Variants in ZNF837 observed in about 807,000 individuals in gnomAD.
ZNF837 encodes the protein zinc finger protein 837.
For synonymous variants in ZNF837, 475 were observed against 365.2 expected (o/e 1.30, Z -3.43); for missense variants, 955 against 801.7 (o/e 1.19, Z -2.31).
rs889857130 is a variant in ZNF837 at position 58,367,638 on chromosome 19, TTAATCAAA to T, written c.*91_*98del. On this transcript the variant is annotated 3_prime_UTR_variant, in exon 3 of 3. Coordinates refer to ENST00000597582, the MANE Select transcript of ZNF837 (RefSeq NM_138466.2). ...GGACGCCATGTGTACAAAGTGAAGT[TTAATCAAA>T]GTTACAAACGTTGGTGGGTTTTCCG... is the stretch of plus-strand genomic sequence containing the variant. 1.0e-4 allele frequency: 142 copies of T among 1,397,600 alleles called. No individual in the cohort carries two copies. The African/African-American group carries it at 2.0e-3, about 20-fold the overall frequency. The allele number at this position is 1,397,600 out of a possible 1,614,324, so 86.6% of individuals were successfully genotyped here.
chr19:58,371,700 G>A (rs1439497833), intron 1 of ZNF837, among the ~76,000 whole-genome samples: 1 of 144,514 alleles, frequency 6.9e-6, no homozygotes, highest in Non-Finnish European at 1.5e-5. Flanking sequence ...GTGCAAGGCA[G>A]ATATCCTCTT....
At chr19:58,375,798 C>T (rs559608348) in intron 1 of ZNF837, among the ~76,000 whole-genome samples, 6 of 150,582 alleles carry the variant, frequency 4.0e-5, no homozygotes, top group Non-Finnish European at 7.4e-5. Context: ...TGCCACAGTG[C>T]TCCTTCCTGC....
intron 1 of ZNF837, among the ~76,000 whole-genome samples, chr19:58,378,757 C>G (rs981850225): frequency 1.3e-5 from 2 of 152,204 alleles, no homozygotes; most frequent in Non-Finnish European, 2.9e-5. Context: ...CCCTGAATAA[C>G]CTGGGTGTGC....
At chr19:58,379,288 C>T (rs1338498624) in intron 1 of ZNF837, among the ~76,000 whole-genome samples, 4 of 152,174 alleles carry the variant, frequency 2.6e-5, no homozygotes, top group East Asian at 1.9e-4. Flanking sequence ...ACAGCATCTT[C>T]GGATTGGTCC....
rs1319654193 is a variant in ZNF837, at chr19:58,367,866, G to A, written c.1467C>T (p.Ser489=). ...DCGKAFVRNC[S]LVRHLRTHTG... is the part of the protein sequence containing the mutation. ...TGTGCGTGCGCAGGTGGCGCACCAG[G>A]CTGCAGTTGCGCACGAAGGCCTTGC... is the stretch of plus-strand genomic sequence containing the variant. Residue 489 remains serine, a synonymous_variant, in exon 3 of 3, where the codon AGC becomes AGT. Coordinates refer to ENST00000597582, the MANE Select transcript of ZNF837 (RefSeq NM_138466.2). The A allele has an allele frequency of 6.5e-7, 1 of 1,535,824 alleles. No homozygotes were observed. The highest frequency in any genetic ancestry group is 2.5e-5 in the East Asian group (1 of 40,744).
intron 1 of ZNF837, among the ~76,000 whole-genome samples, chr19:58,377,871 C>T (rs1042206909): frequency 2.0e-5 from 3 of 152,140 alleles, no homozygotes; most frequent in African/African-American, 7.2e-5. Flanking sequence ...CCTGCTGGCT[C>T]CCAACCACCA....
intron 1 of ZNF837, among the ~76,000 whole-genome samples, chr19:58,372,059 TTTTA>T (rs1441704553): frequency 5.9e-5 from 9 of 151,388 alleles, no homozygotes; most frequent in Non-Finnish European, 7.4e-5. Flanking sequence ...GTTTGTTTAT[TTTTA>T]TTTATTTAGA....
At chr19:58,377,781 G>A (rs907971174) in intron 1 of ZNF837, among the ~76,000 whole-genome samples, 1 of 152,234 alleles carries the variant, frequency 6.6e-6, no homozygotes, top group Admixed American at 6.5e-5. Flanking sequence ...CGGGAGGGAG[G>A]AGACTGAGGG....
intron 1 of ZNF837, among the ~76,000 whole-genome samples, chr19:58,373,446 C>T (rs1262642802): frequency 6.6e-6 from 1 of 152,218 alleles, no homozygotes; most frequent in Non-Finnish European, 1.5e-5. Flanking sequence ...GTGCACAGGG[C>T]ACCTAGAGTG....
intron 1 of ZNF837, among the ~76,000 whole-genome samples, chr19:58,372,431 T>G (rs1010847725): frequency 8.0e-6 from 1 of 125,718 alleles, no homozygotes; most frequent in Non-Finnish European, 1.8e-5. Flanking sequence ...ACTTGGGGAG[T>G]CCGGGGGGGG....
chr19:58,369,224 C>T lies in ZNF837; in HGVS notation c.109G>A (p.Glu37Lys), dbSNP rs1425464783. 3.5e-5 allele frequency: 50 copies of T among 1,435,270 alleles called. No homozygotes were observed. Among genetic ancestry groups the T allele is most frequent in the Admixed American group, 6.3e-5 (2 of 31,876 alleles). 88.9% of individuals were successfully genotyped at this position (1,435,270 alleles called of 1,614,324 possible). A position where few individuals can be genotyped will look rare whatever the true frequency, so the allele number is the denominator to read the frequency against. ...GTGGGGCGGCTCCCAGCTCGGTCCT[C>T]TTCGAGGGGCCTCGGCTCCTCGGGC... is the stretch of plus-strand genomic sequence containing the variant. ...KRPEEPRPLE[E>K]DRAGSRPTQK... The change falls in exon 3 of 3, where the codon GAG (glutamate) becomes AAG (lysine). Residue 37 changes from glutamate to lysine, a missense_variant. Physicochemically the swap from Glu to Lys is moderately conservative, Grantham distance 56. Transcript: ENST00000597582.
In ZNF837 at chr19:58,368,729, A is replaced by T; in HGVS notation, c.604T>A (p.Cys202Ser). 6.5e-7 allele frequency: 1 copy of T among 1,536,800 alleles called. No homozygotes were observed. The highest frequency in any genetic ancestry group is 2.4e-5 in the East Asian group (1 of 40,840). The part of the protein sequence containing the change: ...PLVEQPRACA[C>S]GEAFAWRALR... ...GCCCTCCACGCAAAGGCCTCGCCGC[A>T]CGCGCAAGCCCGGGGCTGCTCCACC... is the stretch of plus-strand genomic sequence containing the variant. Residue 202 changes from cysteine to serine, a missense_variant, in exon 3 of 3, where the codon TGC becomes AGC. Coordinates refer to ENST00000597582, the MANE Select transcript of ZNF837 (RefSeq NM_138466.2).
intron 1 of ZNF837, among the ~76,000 whole-genome samples, chr19:58,375,177 A>C (rs549199344): frequency 1.4e-5 from 2 of 143,064 alleles, no homozygotes; most frequent in South Asian, 4.5e-4. Flanking sequence ...AATTGCTTGA[A>C]CCTGGGAGGA....
At chr19:58,374,209 C>T (rs796533986) in intron 1 of ZNF837, among the ~76,000 whole-genome samples, 2 of 152,174 alleles carry the variant, frequency 1.3e-5, no homozygotes, top group South Asian at 4.1e-4. Context: ...GAGAAATGAA[C>T]TCAGGCATTC....
rs759666680 is a variant in ZNF837, at chr19:58,368,668, TCCGTCG to T, written c.659_664del (p.Ala220_Thr221del). 1.3e-6 allele frequency: 2 copies of T among 1,529,840 alleles called. No individual in the cohort carries two copies. The highest frequency in any genetic ancestry group is 2.4e-5 in the South Asian group (2 of 83,458). The allele number at this position is 1,529,840 out of a possible 1,614,324, so 94.8% of individuals were successfully genotyped here. A position where few individuals can be genotyped will look rare whatever the true frequency, so the allele number is the denominator to read the frequency against. ...GCACCGGGCACACGGACGGGGCTCC[TCCGTCG>T]CCTGCAGCCTCTCCTGGGGGATCCG... On this transcript the variant is annotated inframe_deletion, in exon 3 of 3. Transcript: ENST00000597582.
In ZNF837 at chr19:58,368,795, G is replaced by A. The variant is rs1429379035; in HGVS notation, c.538C>T (p.Pro180Ser). 1.9e-6 allele frequency: 3 copies of A among 1,544,806 alleles called. No individual in the cohort carries two copies. Among genetic ancestry groups the A allele is most frequent in the Non-Finnish European group, 1.7e-6 (2 of 1,146,650 alleles). Residue 180 changes from proline to serine, a missense_variant, in exon 3 of 3, where the codon CCG becomes TCG. Coordinates refer to ENST00000597582, the MANE Select transcript of ZNF837 (RefSeq NM_138466.2). Reference sequence around the variant, plus strand: ...CGGGAGGTCGGCTTTGGGGTCCTCGGGCAGGTCGGAGCGCCAGTCCCTGGT... The same window carrying A: ...CGGGAGGTCGGCTTTGGGGTCCTCGAGCAGGTCGGAGCGCCAGTCCCTGGT... ...CQPGTGAPTC[P>S]RTPKPTSRGR...
At chr19:58,370,156 C>G (rs1044733870) in intron 1 of ZNF837, among the ~76,000 whole-genome samples, 9 of 152,196 alleles carry the variant, frequency 5.9e-5, no homozygotes, top group African/African-American at 1.9e-4. Context: ...TTCTGGAGGT[C>G]GTAAGTCCTA....
In ZNF837 at chr19:58,367,939, T is replaced by TG; in HGVS notation, c.1393dup (p.His465ProfsTer98). On this transcript the variant is annotated frameshift_variant, in exon 3 of 3. Coordinates refer to ENST00000597582, the MANE Select transcript of ZNF837 (RefSeq NM_138466.2). LOFTEE classifies it low-confidence loss of function (END_TRUNC). Reference sequence around the variant, plus strand: ...CTTCTCGCCCGAGTGCAGGCGCTCGTGCTGGCGCAGCTCGGAGCAGCCGCG... The same window carrying TG: ...CTTCTCGCCCGAGTGCAGGCGCTCGTGGCTGGCGCAGCTCGGAGCAGCCGCG... 6.5e-7 allele frequency: 1 copy of TG among 1,534,048 alleles called. No individual in the cohort carries two copies. Among genetic ancestry groups the TG allele is most frequent in the Non-Finnish European group, 8.7e-7 (1 of 1,144,266 alleles).
Position 58,367,967 on chromosome 19 carries a change from A to G in ZNF837, c.1366T>C (p.Phe456Leu), listed in dbSNP as rs1414481508. The change falls in exon 3 of 3, where the codon TTC (phenylalanine) becomes CTC (leucine). Residue 456 changes from phenylalanine (F) to leucine (L), a missense_variant. By Grantham distance (22) the Phe-to-Leu change is conservative (BLOSUM62 0). Transcript: ENST00000597582. ...PYGCSECGKT[F>L]RGCSELRQHE... ...TGGCGCAGCTCGGAGCAGCCGCGGA[A>G]GGTCTTTCCGCACTCGGAGCAGCCA... 24 of 1,532,610 alleles carry G rather than the reference A, an allele frequency of 1.6e-5. No homozygotes were observed. The highest frequency in any genetic ancestry group is 2.0e-5 in the Admixed American group (1 of 50,592). 94.9% of individuals were successfully genotyped at this position (1,532,610 alleles called of 1,614,324 possible).
Sources: allele counts gnomAD v4.1 joint callset (sites outside exome capture counted in the v4.1 genomes callset), GRCh38; gene constraint gnomAD v4.1.1; transcripts MANE v1.5; gene names NCBI Gene and HGNC (gene_info 2026-07-23, HGNC 2026-07-21).